The following FANCA variants were observed in gnomAD, a reference collection of about 807,000 sequenced individuals.
The protein encoded by FANCA is FA complementation group A.
Under a neutral mutation model 194.3 loss-of-function variants are expected in FANCA, and 236 were observed. The ratio of observed to expected loss-of-function variants is 1.21; its 90% CI spans 1.09 to 1.35. FANCA has a LOEUF of 1.35. FANCA is among the 40% of genes most tolerant of loss of function. The pLI, the probability that FANCA is intolerant of heterozygous loss-of-function variation, is 0.00. For missense variants in FANCA, 2,628 were observed against 1,813.9 expected (o/e 1.45, Z -8.15); for synonymous variants, 1,014 against 715.8 (o/e 1.42, Z -6.65).
intron 11 of FANCA, among the ~76,000 whole-genome samples, chr16:89,795,241 C>T (rs545370318): frequency 4.6e-5 from 7 of 151,252 alleles, no homozygotes; most frequent in Non-Finnish European, 7.4e-5. Context: ...GCCCAAATCA[C>T]GCCACTGTAC....
chr16:89,764,944 G>A lies in FANCA; in HGVS notation c.2724C>T (p.Leu908=). 6.2e-7 allele frequency: 1 copy of A among 1,614,240 alleles called. No homozygotes were observed. The highest frequency in any genetic ancestry group is 8.5e-7 in the Non-Finnish European group (1 of 1,180,032). The change falls in exon 28 of 43, where the codon CTC becomes CTT. Residue 908 remains leucine, a synonymous_variant. Coordinates refer to ENST00000389301, the MANE Select transcript of FANCA (RefSeq NM_000135.4). Reference sequence around the variant, plus strand: ...GGAAGGTTCTGTGTGTCCAGAGAGAGAGGGCAGCTCTCTGCCAGTCTGCAG... The same window carrying A: ...GGAAGGTTCTGTGTGTCCAGAGAGAAAGGGCAGCTCTCTGCCAGTCTGCAG... ...LPSADWQRAA[L]SLWTHRTFRE... is the part of the protein sequence containing the mutation.
chr16:89,749,596 G>C (rs1327796202), intron 32 of FANCA, 134 bp downstream of exon 32: 2 of 1,137,576 alleles, frequency 1.8e-6, no homozygotes, highest in Non-Finnish European at 2.6e-6. Context: ...CACAGAAATG[G>C]ACAGGCTTGG....
intron 6 of FANCA, among the ~76,000 whole-genome samples, chr16:89,806,394 CAG>C (rs1365847584): frequency 7.5e-6 from 1 of 133,626 alleles, no homozygotes; most frequent in African/African-American, 2.9e-5. Flanking sequence ...GTGTTTCTCG[CAG>C]AGGGGGATTT....
At chr16:89,789,306 T>TGG (rs68096047) in intron 14 of FANCA, among the ~76,000 whole-genome samples, 7,534 of 119,892 alleles carry the variant, frequency 0.063, 656 homozygotes, top group African/African-American at 0.24. Flanking sequence ...TCAGAAGGCC[T>TGG]GGGGGGGGAG....
chr16:89,810,042 G>T (rs996257624), intron 5 of FANCA, among the ~76,000 whole-genome samples: 6 of 151,186 alleles, frequency 4.0e-5, no homozygotes, highest in African/African-American at 1.5e-4. Flanking sequence ...AAAAATAAAT[G>T]CCAGGCGCGG....
intron 27 of FANCA, 77 bp downstream of exon 27, chr16:89,767,064 C>G: frequency 8.4e-7 from 1 of 1,195,278 alleles, no homozygotes; most frequent in South Asian, 1.2e-5. Flanking sequence ...GGCAGCAGAC[C>G]TCGGCCTTCC....
chr16:89,813,586 C>T (rs1446600165), intron 3 of FANCA, among the ~76,000 whole-genome samples: 1 of 152,070 alleles, frequency 6.6e-6, no homozygotes, highest in Non-Finnish European at 1.5e-5. Context: ...GCACCCACCA[C>T]CACACCCGGC....
rs756432890 is a variant in FANCA, at chr16:89,815,940, T to A, written c.126A>T (p.Lys42Asn). ...GGAGGCGCACAGCTGATTCCTTTAA[T>A]TTCTGTGCCCTTTCAGGATTATATT... ...REKYNPERAQ[K>N]LKESAVRLLR... Residue 42 changes from lysine to asparagine, a missense_variant, in exon 2 of 43, where the codon AAA becomes AAT. Transcript: ENST00000389301. 1 of 1,614,134 alleles carries A rather than the reference T, an allele frequency of 6.2e-7. No individual in the cohort carries two copies. The highest frequency in any genetic ancestry group is 1.1e-5 in the South Asian group (1 of 91,084).
At chr16:89,814,960 A>T (rs774278130) in intron 2 of FANCA, among the ~76,000 whole-genome samples, 10 of 152,186 alleles carry the variant, frequency 6.6e-5, no homozygotes, top group Non-Finnish European at 1.5e-4. Flanking sequence ...AAATGAAAAT[A>T]AAAAATAAAA....
At chr16:89,772,457 G>A (rs1457169702) in intron 22 of FANCA, among the ~76,000 whole-genome samples, 1 of 152,232 alleles carries the variant, frequency 6.6e-6, no homozygotes, top group Non-Finnish European at 1.5e-5. Context: ...AGTGAGCTGA[G>A]ATCACGCCAC....
intron 14 of FANCA, among the ~76,000 whole-genome samples, chr16:89,787,960 G>A (rs1376801529): frequency 1.3e-5 from 2 of 151,640 alleles, no homozygotes; most frequent in East Asian, 2.0e-4. Flanking sequence ...TGCAACCTGC[G>A]CGTTCCGGGT....
rs139181196 is a variant in FANCA, at chr16:89,779,889, T to A, written c.1695A>T (p.Pro565=). 7.4e-6 allele frequency: 12 copies of A among 1,613,960 alleles called. No homozygotes were observed. In the East Asian group the frequency reaches 2.7e-4, roughly 36 times the overall value. ...IMVFEHTGNI[P]VTVMEASIFR... is the part of the protein sequence containing the mutation. Reference sequence around the variant, plus strand: ...CCTACCTGGCCTCCATGACGGTGACTGGGATGTTCCCCGTATGCTCAAACA... The same window carrying A: ...CCTACCTGGCCTCCATGACGGTGACAGGGATGTTCCCCGTATGCTCAAACA... The change falls in exon 18 of 43, where the codon CCA becomes CCT. Residue 565 remains proline, a synonymous_variant. Coordinates refer to ENST00000389301, the MANE Select transcript of FANCA (RefSeq NM_000135.4).
chr16:89,774,886 G>C (rs1247097341), intron 21 of FANCA, among the ~76,000 whole-genome samples: 6 of 151,910 alleles, frequency 3.9e-5, no homozygotes, highest in Non-Finnish European at 7.4e-5. Flanking sequence ...TTGAGGTCAG[G>C]AGTTCGAGAC....
chr16:89,810,437 T>C (rs933059459), intron 5 of FANCA: 4 of 411,454 alleles, frequency 9.7e-6, no homozygotes, highest in Admixed American at 3.8e-5. Context: ...AAATTCTCCA[T>C]ACTAATATAC....
chr16:89,787,973 A>G (rs899130323), intron 14 of FANCA, among the ~76,000 whole-genome samples: 43 of 151,868 alleles, frequency 2.8e-4, no homozygotes, highest in African/African-American at 1.0e-3. Context: ...TTCCGGGTTC[A>G]AGGAATTCTC....
At chr16:89,752,277 T>TC in intron 30 of FANCA, 55 bp from the exon 31 acceptor site, 1 of 1,392,062 alleles carries the variant, frequency 7.2e-7, no homozygotes, top group Non-Finnish European at 1.0e-6. Flanking sequence ...GTGCTGAAGT[T>TC]CCCAGTTCTC....
intron 18 of FANCA, among the ~76,000 whole-genome samples, chr16:89,779,362 G>A (rs887349380): frequency 6.6e-6 from 1 of 152,090 alleles, no homozygotes; most frequent in African/African-American, 2.4e-5. Flanking sequence ...GTAACCACCA[G>A]AATTCAAGAT....
intron 14 of FANCA, among the ~76,000 whole-genome samples, chr16:89,786,695 A>T (rs895015938): frequency 2.6e-5 from 4 of 152,240 alleles, no homozygotes; most frequent in African/African-American, 9.6e-5. Flanking sequence ...AAATGCTGAT[A>T]ACGCTTGTCA....
At position 89,749,916 on chromosome 16, in the gene FANCA, G is replaced by C. The variant is rs1227291634; in HGVS notation, c.3067-14C>G. On this transcript the variant is annotated splice_polypyrimidine_tract_variant and intron_variant, in intron 31 of 42. Transcript: ENST00000389301. ...AGCTACCATCTCCTGAAAAAGAGCA[G>C]TATGCTGGCACAGGAAGGCCTCGGG... is the stretch of plus-strand genomic sequence containing the variant. The C allele has an allele frequency of 6.2e-7, 1 of 1,613,798 alleles. No individual in the cohort carries two copies. Among genetic ancestry groups the C allele is most frequent in the Admixed American group, 1.7e-5 (1 of 60,024 alleles).
Sources: allele counts gnomAD v4.1 joint callset (sites outside exome capture counted in the v4.1 genomes callset), GRCh38; gene constraint gnomAD v4.1.1; transcripts MANE v1.5; gene names NCBI Gene and HGNC (gene_info 2026-07-23, HGNC 2026-07-21).